Variants in LHFPL3 observed in about 807,000 individuals in gnomAD.
LHFPL3 encodes LHFPL tetraspan subfamily member 3 protein.
In LHFPL3, 5 loss-of-function variants were observed where a neutral mutation model predicts 19.3. That is an observed-to-expected ratio of 0.26 (90% confidence interval 0.14 to 0.54). The LOEUF (loss-of-function observed/expected upper bound fraction) is 0.54. Among genes scored for constraint, LHFPL3 ranks in the 20% least tolerant of loss-of-function variants. LHFPL3 has a pLI of 0.94. For synonymous variants in LHFPL3, 133 were observed against 126.2 expected (o/e 1.05, Z -0.36); for missense variants, 249 against 307.4 (o/e 0.81, Z 1.42).
At chr7:104,617,066 G>A (rs931511568) in intron 1 of LHFPL3, among the ~76,000 whole-genome samples, 1 of 152,140 alleles carries the variant, frequency 6.6e-6, no homozygotes. Context: ...GTGTAAATTA[G>A]TTCAACTATT....
rs1402880329 is a variant in LHFPL3 at position 104,810,971 on chromosome 7, C to T, written c.682+74060C>T. ...ATAAACTGGCAGCTCAGGATTAATG[C>T]TCTGTCCTTCCCTTATAGCTTCTCT... On this transcript the variant is annotated intron_variant, in intron 2 of 2. Transcript: ENST00000424859. Among the ~76,000 whole-genome samples the T allele has an allele frequency of 3.3e-5, 5 of 152,196 alleles. No individual in the cohort carries two copies. The South Asian group carries it at 8.3e-4, about 25-fold the overall frequency.
At chr7:104,359,979 AG>A (rs1790360027) in intron 1 of LHFPL3, among the ~76,000 whole-genome samples, 1 of 152,276 alleles carries the variant, frequency 6.6e-6, no homozygotes, top group South Asian at 2.1e-4. Context: ...CTCAGAAGTT[AG>A]TAACTTACCC....
rs1792234245 is a variant in LHFPL3 at position 104,891,111 on chromosome 7, T to C, written c.683-15076T>C. ...CAACTTTCATATCAGAGACATCTAG[T>C]TGCCAAATTAAGGGTCTGTTTTGAA... On this transcript the variant is annotated intron_variant, in intron 2 of 2. Transcript: ENST00000424859. Among the ~76,000 whole-genome samples the C allele has an allele frequency of 2.0e-5, 3 of 151,848 alleles. No homozygotes were observed. The Admixed American group carries it at 2.0e-4, about 10-fold the overall frequency.
At chr7:104,535,041 A>G (rs180942789) in intron 1 of LHFPL3, among the ~76,000 whole-genome samples, 299 of 152,180 alleles carry the variant, frequency 2.0e-3, no homozygotes, top group Non-Finnish European at 3.6e-3. Flanking sequence ...CTGTAGGGAC[A>G]GAAAGTTCTG....
intron 1 of LHFPL3, among the ~76,000 whole-genome samples, chr7:104,494,044 A>G (rs1205608447): frequency 6.6e-6 from 1 of 152,208 alleles, no homozygotes; most frequent in African/African-American, 2.4e-5. Flanking sequence ...CTCTTTTGTT[A>G]TGACTAGAAA....
intron 1 of LHFPL3, among the ~76,000 whole-genome samples, chr7:104,599,070 G>T (rs1562946406): frequency 6.6e-6 from 1 of 152,054 alleles, no homozygotes. Context: ...CAAAATGAAA[G>T]CTGTGCTTTT....
intron 1 of LHFPL3, among the ~76,000 whole-genome samples, chr7:104,518,616 T>C (rs1793969782): frequency 6.6e-6 from 1 of 152,126 alleles, no homozygotes; most frequent in African/African-American, 2.4e-5. Flanking sequence ...AAACCCTGTC[T>C]CCATTAAAAA....
chr7:104,421,019 G>T (rs1791722375), intron 1 of LHFPL3, among the ~76,000 whole-genome samples: 1 of 152,182 alleles, frequency 6.6e-6, no homozygotes, highest in South Asian at 2.1e-4. Context: ...CAACTCAAGG[G>T]CATAGCCAGA....
intron 1 of LHFPL3, among the ~76,000 whole-genome samples, chr7:104,401,644 G>T (rs2116494452): frequency 6.6e-6 from 1 of 152,240 alleles, no homozygotes; most frequent in East Asian, 1.9e-4. Context: ...AATTCAATTT[G>T]AGAAAAAGAA....
At position 104,677,013 on chromosome 7, in the gene LHFPL3, A is replaced by G. The variant is rs60429635; in HGVS notation, c.446-59662A>G. On this transcript the variant is annotated intron_variant, in intron 1 of 2. Transcript: ENST00000424859. Reference sequence around the variant, plus strand: ...TAAACAATACAGAATTGGCTAAACAAACTATAGCATGTCCATATGATAGAA... The same window carrying G: ...TAAACAATACAGAATTGGCTAAACAGACTATAGCATGTCCATATGATAGAA... 2.6e-3 allele frequency among the ~76,000 whole-genome samples: 397 copies of G among 152,354 alleles called. 2 individuals carry two copies. The highest frequency in any genetic ancestry group is 9.2e-3 in the African/African-American group (381 of 41,582).
chr7:104,359,385 A>T (rs1790347032), intron 1 of LHFPL3, among the ~76,000 whole-genome samples: 2 of 152,232 alleles, frequency 1.3e-5, no homozygotes, highest in African/African-American at 4.8e-5. Flanking sequence ...ATTATATACT[A>T]TCATAGATGC....
intron 1 of LHFPL3, chr7:104,668,097 C>T (rs1792394650): frequency 3.7e-6 from 6 of 1,613,786 alleles, no homozygotes; most frequent in Non-Finnish European, 8.5e-7. Flanking sequence ...GGAATTCTTT[C>T]GAGGATTAAA....
chr7:104,644,303 C>T (rs1032237364), intron 1 of LHFPL3, among the ~76,000 whole-genome samples: 12 of 152,186 alleles, frequency 7.9e-5, no homozygotes, highest in Admixed American at 5.2e-4. Context: ...TTTCCCATAG[C>T]CCTTGTGCAA....
chr7:104,831,030 T>C (rs554942243), intron 2 of LHFPL3, among the ~76,000 whole-genome samples: 4 of 152,058 alleles, frequency 2.6e-5, no homozygotes, highest in African/African-American at 9.7e-5. Flanking sequence ...ACATGGTGAC[T>C]CTTCCTTGGA....
At chr7:104,635,874 G>C (rs1440883699) in intron 1 of LHFPL3, among the ~76,000 whole-genome samples, 2 of 152,194 alleles carry the variant, frequency 1.3e-5, no homozygotes, top group Non-Finnish European at 2.9e-5. Context: ...ATGTATCCAG[G>C]AGGGAAATGG....
intron 1 of LHFPL3, among the ~76,000 whole-genome samples, chr7:104,729,471 C>T (rs1331482871): frequency 3.9e-5 from 6 of 152,038 alleles, no homozygotes; most frequent in African/African-American, 1.4e-4. Flanking sequence ...AGAAATAATT[C>T]CTCCTATCTA....
At chr7:104,441,574 T>TTTA (rs1792224533) in intron 1 of LHFPL3, among the ~76,000 whole-genome samples, 3 of 135,726 alleles carry the variant, frequency 2.2e-5, no homozygotes, top group African/African-American at 7.4e-5. Context: ...ATCCTGATTT[T>TTTA]TTTATTTATT....
chr7:104,437,710 A>G (rs986834204), intron 1 of LHFPL3, among the ~76,000 whole-genome samples: 2 of 152,126 alleles, frequency 1.3e-5, no homozygotes, highest in Non-Finnish European at 2.9e-5. Flanking sequence ...ACAACTCAGA[A>G]ACGTATAGGG....
At chr7:104,667,592 C>G (rs915112984) in intron 1 of LHFPL3, among the ~76,000 whole-genome samples, 1 of 152,206 alleles carries the variant, frequency 6.6e-6, no homozygotes, top group Non-Finnish European at 1.5e-5. Flanking sequence ...GATCCACTAT[C>G]AGCATAACTA....
Sources: allele counts gnomAD v4.1 joint callset (sites outside exome capture counted in the v4.1 genomes callset), GRCh38; gene constraint gnomAD v4.1.1; transcripts MANE v1.5; gene names NCBI Gene and HGNC (gene_info 2026-07-23, HGNC 2026-07-21).